The following ST6GALNAC3 variants were observed in gnomAD, a reference collection of about 807,000 sequenced individuals.
ST6GALNAC3 encodes the protein alpha-N-acetylgalactosaminide alpha-2,6-sialyltransferase 3.
In ST6GALNAC3, 25 loss-of-function variants were observed where a neutral mutation model predicts 32.7. The ratio of observed to expected loss-of-function variants is 0.76; its 90% CI spans 0.56 to 1.07. ST6GALNAC3 has a LOEUF of 1.07. Among genes scored for constraint, ST6GALNAC3 ranks in the 50% least tolerant of loss-of-function variants. ST6GALNAC3 has a pLI of 0.00. For missense variants in ST6GALNAC3, 355 were observed against 382.4 expected (o/e 0.93, Z 0.60); for synonymous variants, 129 against 133.1 (o/e 0.97, Z 0.21).
chr1:76,606,573 G>T (rs1647561930), intron 3 of ST6GALNAC3, among the ~76,000 whole-genome samples: 1 of 152,084 alleles, frequency 6.6e-6, no homozygotes, highest in Admixed American at 6.5e-5. Flanking sequence ...GAGGGTGGAG[G>T]GGGAGGAGGG....
chr1:76,612,873 C>G (rs188492142), intron 3 of ST6GALNAC3, among the ~76,000 whole-genome samples: 1 of 152,176 alleles, frequency 6.6e-6, no homozygotes, highest in Non-Finnish European at 1.5e-5. Flanking sequence ...ATAAATAAAA[C>G]GACACTTCTG....
intron 3 of ST6GALNAC3, among the ~76,000 whole-genome samples, chr1:76,576,190 C>G (rs1646804122): frequency 6.6e-6 from 1 of 151,918 alleles, no homozygotes; most frequent in Non-Finnish European, 1.5e-5. Flanking sequence ...CAGAAGAAAA[C>G]AGGATGATTA....
At chr1:76,566,413 G>A (rs1047768627) in intron 3 of ST6GALNAC3, among the ~76,000 whole-genome samples, 2 of 152,020 alleles carry the variant, frequency 1.3e-5, no homozygotes, top group South Asian at 2.1e-4. Context: ...GGCTTCCCAT[G>A]GGACTCGGAA....
At chr1:76,508,831 C>T (rs17099097) in intron 3 of ST6GALNAC3, among the ~76,000 whole-genome samples, 3,666 of 152,184 alleles carry the variant, frequency 0.024, 130 homozygotes, top group African/African-American at 0.056. Flanking sequence ...AAATATTCAG[C>T]TGATTTCTGA....
At chr1:76,149,102 A>G (rs1650878618) in intron 1 of ST6GALNAC3, among the ~76,000 whole-genome samples, 1 of 152,204 alleles carries the variant, frequency 6.6e-6, no homozygotes, top group Admixed American at 6.5e-5. Flanking sequence ...GCACCTGGTA[A>G]TCGGTCTCTC....
chr1:76,631,661 A>G lies in ST6GALNAC3; in HGVS notation c.*2855A>G, dbSNP rs1416072062. ...CTGAACTTACTTATCACTGATGTGT[A>G]TTTATCCCAGAAATTAATTAATATC... On this transcript the variant is annotated 3_prime_UTR_variant, in exon 5 of 5. Coordinates refer to ENST00000328299, the MANE Select transcript of ST6GALNAC3 (RefSeq NM_152996.4). The G allele has an allele frequency of 6.6e-6, 1 of 152,094 alleles. No homozygotes were observed. The allele number at this position is 152,094 out of a possible 1,614,324, so 9.4% of individuals were successfully genotyped here. A position where few individuals can be genotyped will look rare whatever the true frequency, so the allele number is the denominator to read the frequency against.
At chr1:76,183,421 A>G (rs374519682) in intron 1 of ST6GALNAC3, among the ~76,000 whole-genome samples, 3 of 152,176 alleles carry the variant, frequency 2.0e-5, no homozygotes, top group African/African-American at 7.2e-5. Context: ...ATGACTATAT[A>G]CACATATATT....
rs1415368752 is a variant in ST6GALNAC3, at chr1:76,489,634, C to G, written c.623+77217C>G. Among the ~76,000 whole-genome samples the G allele has an allele frequency of 2.0e-5, 3 of 152,156 alleles. No individual in the cohort carries two copies. In the East Asian group the frequency reaches 5.8e-4, roughly 29 times the overall value. ...TCCATGGAATAATCAAAACTCTGAA[C>G]TTGAGTAAATATTAAGCCTTCTCCA... On this transcript the variant is annotated intron_variant, in intron 3 of 4. Coordinates refer to ENST00000328299, the MANE Select transcript of ST6GALNAC3 (RefSeq NM_152996.4).
intron 2 of ST6GALNAC3, among the ~76,000 whole-genome samples, chr1:76,403,958 A>G (rs1184120135): frequency 1.3e-5 from 2 of 152,114 alleles, no homozygotes; most frequent in African/African-American, 4.8e-5. Context: ...TGGAGAAAAC[A>G]TGTTGCGTTC....
intron 1 of ST6GALNAC3, chr1:76,309,946 CA>C (rs779378159): frequency 1.0e-5 from 5 of 484,582 alleles, no homozygotes; most frequent in African/African-American, 9.7e-5. Flanking sequence ...AAATTTCTCT[CA>C]AAATGGTTGA....
At chr1:76,559,121 T>TA (rs1364946968) in intron 3 of ST6GALNAC3, among the ~76,000 whole-genome samples, 2 of 152,108 alleles carry the variant, frequency 1.3e-5, no homozygotes, top group Non-Finnish European at 2.9e-5. Context: ...CTTGGAGTAA[T>TA]AAAAAGTTTG....
chr1:76,230,939 G>A (rs1350631692), intron 1 of ST6GALNAC3, among the ~76,000 whole-genome samples: 1 of 152,178 alleles, frequency 6.6e-6, no homozygotes, highest in East Asian at 1.9e-4. Flanking sequence ...GTTTATGCAC[G>A]CACATTTGCA....
At chr1:76,166,251 C>T (rs1241241808) in intron 1 of ST6GALNAC3, among the ~76,000 whole-genome samples, 1 of 152,092 alleles carries the variant, frequency 6.6e-6, no homozygotes, top group African/African-American at 2.4e-5. Context: ...GAACAACTTA[C>T]TGAATAGGGA....
At chr1:76,300,895 T>C (rs540443034) in intron 1 of ST6GALNAC3, among the ~76,000 whole-genome samples, 75 of 151,974 alleles carry the variant, frequency 4.9e-4, no homozygotes, top group African/African-American at 1.8e-3. Flanking sequence ...AATTTGATCT[T>C]GAAGGACAAG....
At chr1:76,236,797 G>T (rs181976436) in intron 1 of ST6GALNAC3, among the ~76,000 whole-genome samples, 8 of 152,312 alleles carry the variant, frequency 5.3e-5, no homozygotes, top group Non-Finnish European at 1.2e-4. Context: ...TATTGAGTTT[G>T]CATAATCAAG....
chr1:76,350,897 C>G (rs935904785), intron 2 of ST6GALNAC3, among the ~76,000 whole-genome samples: 1 of 152,154 alleles, frequency 6.6e-6, no homozygotes, highest in Non-Finnish European at 1.5e-5. Context: ...TCTCAATTTT[C>G]TGACACATTT....
Position 76,630,304 on chromosome 1 carries a change from T to C in ST6GALNAC3, c.*1498T>C, listed in dbSNP as rs897267307. 4 of 985,084 alleles carry C rather than the reference T, an allele frequency of 4.1e-6. No individual in the cohort carries two copies. The highest frequency in any genetic ancestry group is 4.8e-6 in the Non-Finnish European group (4 of 829,822). The allele number at this position is 985,084 out of a possible 1,614,324, so 61.0% of individuals were successfully genotyped here. A position where few individuals can be genotyped will look rare whatever the true frequency, so the allele number is the denominator to read the frequency against. On this transcript the variant is annotated 3_prime_UTR_variant, in exon 5 of 5. Coordinates refer to ENST00000328299, the MANE Select transcript of ST6GALNAC3 (RefSeq NM_152996.4). ...GGGCCCCTGTGAAAATAAGTAGTTT[T>C]GAGAAGTTTTTCTATATACGTATAT...
chr1:76,433,935 C>T (rs952121061), intron 3 of ST6GALNAC3, among the ~76,000 whole-genome samples: 3 of 152,126 alleles, frequency 2.0e-5, no homozygotes, highest in African/African-American at 4.8e-5. Context: ...GTGATTGCAG[C>T]GTTTACTTTT....
chr1:76,405,428 G>A (rs1344058564), intron 2 of ST6GALNAC3, among the ~76,000 whole-genome samples: 2 of 152,060 alleles, frequency 1.3e-5, no homozygotes, highest in Non-Finnish European at 2.9e-5. Context: ...AAAATGTAAA[G>A]TGCTTGGCAC....
Sources: allele counts gnomAD v4.1 joint callset (sites outside exome capture counted in the v4.1 genomes callset), GRCh38; gene constraint gnomAD v4.1.1; transcripts MANE v1.5; gene names NCBI Gene and HGNC (gene_info 2026-07-23, HGNC 2026-07-21).